TMEM117: variants seen among roughly 807,000 people sequenced by gnomAD.
TMEM117 encodes transmembrane protein 117.
A neutral mutation model predicts 52.4 loss-of-function variants in TMEM117; 27 were observed. The observed-to-expected ratio is 0.51, with a 90% CI of 0.38 to 0.71. TMEM117 has a LOEUF of 0.71. TMEM117 is among the 30% of genes least tolerant of loss of function. TMEM117 has a pLI of 0.00. For missense variants in TMEM117, 556 were observed against 630.5 expected (o/e 0.88, Z 1.26); for synonymous variants, 215 against 206.3 (o/e 1.04, Z -0.36).
chr12:43,809,916 C>T, the TMEM117 span, among the ~76,000 whole-genome samples: 1 of 152,190 alleles, frequency 6.6e-6, no homozygotes, highest in African/African-American at 2.4e-5. Context: ...AAAATTCTTT[C>T]ATTCCTATCG....
At chr12:43,962,135 C>T (rs1053077251) in intron 3 of TMEM117, among the ~76,000 whole-genome samples, 3 of 152,194 alleles carry the variant, frequency 2.0e-5, no homozygotes, top group African/African-American at 4.8e-5. Context: ...TTAGGAATGT[C>T]TACAAACTCT....
At chr12:44,393,934 C>T (rs1156489200), downstream of TMEM117, among the ~76,000 whole-genome samples, 2 of 152,180 alleles carry the variant, frequency 1.3e-5, no homozygotes, top group South Asian at 2.1e-4. Context: ...TTTCTTTTGT[C>T]ATTTCACTTT....
At chr12:43,938,485 A>G (rs991635312) in intron 2 of TMEM117, among the ~76,000 whole-genome samples, 6 of 152,014 alleles carry the variant, frequency 3.9e-5, no homozygotes, top group Admixed American at 2.0e-4. Context: ...TCTTGGGACA[A>G]CAAAGGGTGT....
chr12:43,881,785 T>G, intron 2 of TMEM117, among the ~76,000 whole-genome samples: 1 of 72,772 alleles, frequency 1.4e-5, no homozygotes, highest in Admixed American at 2.2e-4. Context: ...GTGAAACTCT[T>G]GTCTCAAAAA....
At chr12:44,168,797 A>G (rs1949005414) in intron 4 of TMEM117, among the ~76,000 whole-genome samples, 1 of 152,192 alleles carries the variant, frequency 6.6e-6, no homozygotes, top group African/African-American at 2.4e-5. Flanking sequence ...CGGAACCACC[A>G]TTCATCTCCA....
At chr12:43,905,525 T>G (rs1239442343) in intron 2 of TMEM117, among the ~76,000 whole-genome samples, 2 of 152,172 alleles carry the variant, frequency 1.3e-5, no homozygotes, top group African/African-American at 2.4e-5. Context: ...AAATATTTAT[T>G]TATTTATTTG....
rs144517428 is a variant in TMEM117 at position 44,072,783 on chromosome 12, A to G, written c.411-70742A>G. On this transcript the variant is annotated intron_variant, in intron 3 of 7. Coordinates refer to ENST00000266534, the MANE Select transcript of TMEM117 (RefSeq NM_032256.3). ...ATCAGGTAAATAATTTATGATTAAA[A>G]GAAGCGATTTAGAAAACCACATTGT... Among the ~76,000 whole-genome samples the G allele has an allele frequency of 6.4e-3, 971 of 152,308 alleles. 7 individuals carry two copies. The highest frequency in any genetic ancestry group is 0.022 in the African/African-American group (928 of 41,568).
chr12:44,114,452 T>C (rs923173898), intron 3 of TMEM117, among the ~76,000 whole-genome samples: 1 of 152,132 alleles, frequency 6.6e-6, no homozygotes, highest in Non-Finnish European at 1.5e-5. Context: ...ATGGTAAAAC[T>C]CAGGAGTACT....
intron 2 of TMEM117, among the ~76,000 whole-genome samples, chr12:43,890,666 G>A (rs61930711): frequency 4.2e-4 from 64 of 152,136 alleles, no homozygotes; most frequent in South Asian, 8.3e-4. Context: ...CGAGTAACTG[G>A]GATTACAGGC....
intron 4 of TMEM117, among the ~76,000 whole-genome samples, chr12:44,190,447 A>C (rs912605566): frequency 4.6e-5 from 7 of 152,156 alleles, no homozygotes; most frequent in Non-Finnish European, 1.5e-5. Context: ...AGGCTCGGCA[A>C]CTGTGTGCCA....
chr12:43,955,760 A>G, intron 3 of TMEM117, among the ~76,000 whole-genome samples: 1 of 152,246 alleles, frequency 6.6e-6, no homozygotes, highest in East Asian at 1.9e-4. Flanking sequence ...ACTACCGTTG[A>G]CATTCTTCAC....
downstream of TMEM117, among the ~76,000 whole-genome samples, chr12:44,392,127 G>C (rs747949874): frequency 6.6e-6 from 1 of 152,168 alleles, no homozygotes; most frequent in Non-Finnish European, 1.5e-5. Context: ...AAACGTTTGG[G>C]TTGCTTCCAT....
chr12:43,890,904 A>G (rs932550742), intron 2 of TMEM117, among the ~76,000 whole-genome samples: 1 of 152,170 alleles, frequency 6.6e-6, no homozygotes, highest in Non-Finnish European at 1.5e-5. Flanking sequence ...GTCATGTTAT[A>G]TATATTCTAA....
At chr12:44,180,224 A>G (rs982494648) in intron 4 of TMEM117, among the ~76,000 whole-genome samples, 6 of 151,630 alleles carry the variant, frequency 4.0e-5, no homozygotes, top group Non-Finnish European at 7.4e-5. Flanking sequence ...CACCATCACC[A>G]TCATCATCAT....
At chr12:44,284,486 A>G (rs1315621455) in intron 5 of TMEM117, among the ~76,000 whole-genome samples, 2 of 152,220 alleles carry the variant, frequency 1.3e-5, no homozygotes, top group Non-Finnish European at 2.9e-5. Context: ...CTGGTGAACA[A>G]TTTAGCATGT....
At chr12:43,808,655 C>A in the TMEM117 span, among the ~76,000 whole-genome samples, 1 of 151,678 alleles carries the variant, frequency 6.6e-6, no homozygotes, top group East Asian at 1.9e-4. Flanking sequence ...CTAAAATGAG[C>A]TACTACTAGG....
chr12:44,096,153 C>T (rs1159407720), intron 3 of TMEM117, among the ~76,000 whole-genome samples: 1 of 152,240 alleles, frequency 6.6e-6, no homozygotes, highest in South Asian at 2.1e-4. Flanking sequence ...ATCCAACTTA[C>T]AAGGGACATG....
chr12:43,871,715 G>GTACATAA (rs1943708097), intron 2 of TMEM117, among the ~76,000 whole-genome samples: 1 of 152,168 alleles, frequency 6.6e-6, no homozygotes, highest in Non-Finnish European at 1.5e-5. Flanking sequence ...GATAATTTTT[G>GTACATAA]TTAAGAGATG....
chr12:44,042,651 C>A (rs768940227), intron 3 of TMEM117, among the ~76,000 whole-genome samples: 4 of 152,094 alleles, frequency 2.6e-5, no homozygotes, highest in African/African-American at 9.7e-5. Flanking sequence ...CCTCCAACAT[C>A]AGACTCCAGG....
Sources: allele counts gnomAD v4.1 joint callset (sites outside exome capture counted in the v4.1 genomes callset), GRCh38; gene constraint gnomAD v4.1.1; transcripts MANE v1.5; gene names NCBI Gene and HGNC (gene_info 2026-07-23, HGNC 2026-07-21).